ABTB2: variants seen among roughly 807,000 people sequenced by gnomAD.
ABTB2 encodes ankyrin repeat and BTB/POZ domain-containing protein 2.
In ABTB2, 56 loss-of-function variants were observed where a neutral mutation model predicts 104.1. The ratio of observed to expected loss-of-function variants is 0.54; its 90% CI spans 0.43 to 0.67. ABTB2 has a LOEUF of 0.67. Among genes scored for constraint, ABTB2 ranks in the 30% least tolerant of loss-of-function variants. The probability of loss-of-function intolerance (pLI) is 0.00; values close to 1 mark genes in which losing one functional copy is unlikely to be tolerated. For synonymous variants in ABTB2, 606 were observed against 608.2 expected (o/e 1.00, Z 0.05); for missense variants, 1,279 against 1,407.7 (o/e 0.91, Z 1.46).
intron 3 of ABTB2, among the ~76,000 whole-genome samples, chr11:34,189,943 T>C (rs544131768): frequency 6.6e-6 from 1 of 152,268 alleles, no homozygotes; most frequent in South Asian, 2.1e-4. Context: ...TAATCACCTA[T>C]TAAGAAGAGA....
intron 3 of ABTB2, among the ~76,000 whole-genome samples, chr11:34,185,728 T>A (rs969645840): frequency 6.6e-6 from 1 of 152,024 alleles, no homozygotes; most frequent in African/African-American, 2.4e-5. Flanking sequence ...TGTAGTTAGA[T>A]TGGAAAAATA....
chr11:34,255,563 G>T (rs1283821434), intron 1 of ABTB2, among the ~76,000 whole-genome samples: 1 of 151,900 alleles, frequency 6.6e-6, no homozygotes, highest in Non-Finnish European at 1.5e-5. Flanking sequence ...CACAATCTCA[G>T]TTCACTGCAA....
At chr11:34,327,562 G>A (rs983139003) in intron 1 of ABTB2, among the ~76,000 whole-genome samples, 1 of 152,146 alleles carries the variant, frequency 6.6e-6, no homozygotes, top group Non-Finnish European at 1.5e-5. Context: ...AACCCCAAAA[G>A]TGACAGGAGT....
At chr11:34,238,622 A>G (rs1322092157) in intron 1 of ABTB2, among the ~76,000 whole-genome samples, 1 of 152,256 alleles carries the variant, frequency 6.6e-6, no homozygotes, top group Non-Finnish European at 1.5e-5. Flanking sequence ...GTCTTGCAAC[A>G]GCCACTTTAT....
intron 3 of ABTB2, among the ~76,000 whole-genome samples, chr11:34,177,769 A>G (rs1852974246): frequency 6.6e-6 from 1 of 152,042 alleles, no homozygotes; most frequent in South Asian, 2.1e-4. Context: ...GGGTTTCACC[A>G]TGTTGCCCAG....
chr11:34,211,780 T>C (rs1476974558), intron 1 of ABTB2, among the ~76,000 whole-genome samples: 1 of 151,102 alleles, frequency 6.6e-6, no homozygotes, highest in Non-Finnish European at 1.5e-5. Context: ...TCCCAGCTAC[T>C]CAGGAGGCTG....
At chr11:34,336,288 C>T (rs1564935459) in intron 1 of ABTB2, among the ~76,000 whole-genome samples, 2 of 152,088 alleles carry the variant, frequency 1.3e-5, no homozygotes, top group Non-Finnish European at 2.9e-5. Flanking sequence ...ATTTACAACA[C>T]CATAAGGCAG....
At chr11:34,342,419 G>A (rs1425978804) in intron 1 of ABTB2, among the ~76,000 whole-genome samples, 1 of 152,108 alleles carries the variant, frequency 6.6e-6, no homozygotes, top group Admixed American at 6.5e-5. Context: ...CTTTGCTCAG[G>A]AAATCACTGC....
chr11:34,299,876 A>C (rs1044393820), intron 1 of ABTB2, among the ~76,000 whole-genome samples: 1 of 152,202 alleles, frequency 6.6e-6, no homozygotes, highest in Non-Finnish European at 1.5e-5. Flanking sequence ...AGCTCTCAGA[A>C]TGGGTCAGCT....
Position 34,356,871 on chromosome 11 carries a change from A to T in ABTB2, c.713T>A (p.Leu238Gln), listed in dbSNP as rs781276442. ...AISLTACMENLVEEIRARVMA... is the reference protein window; with the variant it reads ...AISLTACMENQVEEIRARVMA... ...CACCCTGGCCCGGATCTCCTCCACC[A>T]GGTTCTCCATGCAGGCGGTGAGGGA... Residue 238 changes from leucine (L) to glutamine (Q), a missense_variant, in exon 1 of 17, where the codon CTG (leucine) becomes CAG (glutamine). Physicochemically the swap from Leu to Gln is moderately radical, Grantham distance 113. Transcript: ENST00000435224. This position sits in a 1 kb window ranked among gnomAD's most constrained non-coding sequence, Gnocchi z 4.6. The T allele has an allele frequency of 6.2e-7, 1 of 1,606,284 alleles. No individual in the cohort carries two copies. The highest frequency in any genetic ancestry group is 1.1e-5 in the South Asian group (1 of 89,738).
chr11:34,281,378 G>A (rs1011684615), intron 1 of ABTB2, among the ~76,000 whole-genome samples: 5 of 152,264 alleles, frequency 3.3e-5, no homozygotes, highest in Admixed American at 3.3e-4. Flanking sequence ...CCACACCCAA[G>A]CCTCAGAATT....
intron 1 of ABTB2, among the ~76,000 whole-genome samples, chr11:34,275,462 C>T (rs982293185): frequency 2.0e-5 from 3 of 152,278 alleles, no homozygotes; most frequent in African/African-American, 7.2e-5. Flanking sequence ...TGTCACATGC[C>T]TCCCCTGAAT....
chr11:34,245,565 G>A (rs1467568518), intron 1 of ABTB2, among the ~76,000 whole-genome samples: 1 of 152,186 alleles, frequency 6.6e-6, no homozygotes, highest in East Asian at 1.9e-4. Context: ...ATCTCTAGTT[G>A]TGTTGATTTT....
chr11:34,223,694 G>T (rs1378711746), intron 1 of ABTB2, among the ~76,000 whole-genome samples: 1 of 152,170 alleles, frequency 6.6e-6, no homozygotes, highest in Admixed American at 6.6e-5. Context: ...CCCGGCATCA[G>T]CCTCAGCCTC....
At chr11:34,292,050 C>T (rs1448229592) in intron 1 of ABTB2, among the ~76,000 whole-genome samples, 3 of 152,096 alleles carry the variant, frequency 2.0e-5, no homozygotes, top group Non-Finnish European at 4.4e-5. Context: ...GACCCTAGCC[C>T]ATATATTTTT....
intron 1 of ABTB2, among the ~76,000 whole-genome samples, chr11:34,263,937 G>A (rs1854217764): frequency 6.6e-6 from 1 of 152,192 alleles, no homozygotes; most frequent in South Asian, 2.1e-4. Context: ...CAAGGCTGGT[G>A]TGTGTGAGTA....
intron 1 of ABTB2, among the ~76,000 whole-genome samples, chr11:34,220,257 G>A (rs1853602856): frequency 6.6e-6 from 1 of 152,110 alleles, no homozygotes; most frequent in South Asian, 2.1e-4. Context: ...ACCTCTCAGT[G>A]ACCTACCCAG....
At chr11:34,153,177 C>T (rs963022586) in intron 16 of ABTB2, among the ~76,000 whole-genome samples, 1 of 152,060 alleles carries the variant, frequency 6.6e-6, no homozygotes, top group South Asian at 2.1e-4. Flanking sequence ...AAGAGCTTTA[C>T]AGGAAAAGGG....
chr11:34,234,020 C>A (rs1334539086), intron 1 of ABTB2, among the ~76,000 whole-genome samples: 1 of 152,182 alleles, frequency 6.6e-6, no homozygotes, highest in Non-Finnish European at 1.5e-5. Flanking sequence ...AGCTTGATCC[C>A]TCTCAGAAGA....
Sources: allele counts gnomAD v4.1 joint callset (sites outside exome capture counted in the v4.1 genomes callset), GRCh38; gene constraint gnomAD v4.1.1; non-coding constraint Gnocchi (gnomAD v3.1); transcripts MANE v1.5; gene names NCBI Gene and HGNC (gene_info 2026-07-23, HGNC 2026-07-21).